The following GHR variants were observed in gnomAD, a reference collection of about 807,000 sequenced individuals.
GHR encodes the protein GH receptor.
GHR carries 35 observed loss-of-function variants against 67.1 expected under a neutral mutation model. The ratio of observed to expected loss-of-function variants is 0.52; its 90% CI spans 0.40 to 0.69. The LOEUF is 0.69. Among genes scored for constraint, GHR ranks in the 30% least tolerant of loss-of-function variants. The probability of loss-of-function intolerance (pLI) is 0.00; values close to 1 mark genes in which losing one functional copy is unlikely to be tolerated. For synonymous variants in GHR, 272 were observed against 269.1 expected, an observed-to-expected ratio of 1.01 and a Z score of -0.10; for missense variants, 792 against 764.6, an observed-to-expected ratio of 1.04 and a Z score of -0.42.
intron 1 of GHR, chr5:42,515,054 C>A (rs1425922266): frequency 6.6e-6 from 1 of 152,134 alleles, no homozygotes; most frequent in African/African-American, 2.4e-5. Flanking sequence ...GCAGGCTTAA[C>A]CAAAATGCAG....
chr5:42,626,450 T>C (rs1457946311), intron 2 of GHR, among the ~76,000 whole-genome samples: 3 of 152,156 alleles, frequency 2.0e-5, no homozygotes. Flanking sequence ...GGTATGTGGG[T>C]TGGAGTTGCA....
intron 1 of GHR, among the ~76,000 whole-genome samples, chr5:42,510,223 A>G (rs1397839725): frequency 6.6e-6 from 1 of 152,182 alleles, no homozygotes; most frequent in African/African-American, 2.4e-5. Context: ...TTCCACTGCT[A>G]CTGTTCTGGT....
chr5:42,429,834 T>C (rs868837297), intron 1 of GHR, among the ~76,000 whole-genome samples: 35 of 152,340 alleles, frequency 2.3e-4, no homozygotes, highest in Admixed American at 1.4e-3. Flanking sequence ...ATTTTTTTCA[T>C]AGGCCTCATT....
chr5:42,716,951 T>G (rs148649760), intron 8 of GHR, among the ~76,000 whole-genome samples: 161 of 152,288 alleles, frequency 1.1e-3, no homozygotes, highest in Middle Eastern at 3.4e-3. Flanking sequence ...TTTTAAAAAA[T>G]TAAATGAATT....
intron 2 of GHR, among the ~76,000 whole-genome samples, chr5:42,595,740 G>A (rs902826039): frequency 1.1e-4 from 17 of 152,336 alleles, no homozygotes; most frequent in African/African-American, 3.8e-4. Context: ...TGGGTCTTAA[G>A]TGGAGATTAG....
intron 2 of GHR, among the ~76,000 whole-genome samples, chr5:42,586,588 A>C (rs1751488024): frequency 6.6e-6 from 1 of 152,222 alleles, no homozygotes; most frequent in Admixed American, 6.5e-5. Context: ...GTCTTATTTA[A>C]TTAATTGTTG....
chr5:42,554,916 G>A (rs1242710279), intron 1 of GHR, among the ~76,000 whole-genome samples: 1 of 152,114 alleles, frequency 6.6e-6, no homozygotes, highest in Non-Finnish European at 1.5e-5. Flanking sequence ...GTTGGCATTT[G>A]TGGCTCACAT....
At chr5:42,538,650 G>A (rs997676223) in intron 1 of GHR, among the ~76,000 whole-genome samples, 6 of 152,152 alleles carry the variant, frequency 3.9e-5, no homozygotes, top group Non-Finnish European at 8.8e-5. Context: ...GTAACAATGT[G>A]CCTAGGTGAT....
At chr5:42,699,407 G>A (rs1173854205) in intron 5 of GHR, among the ~76,000 whole-genome samples, 1 of 152,150 alleles carries the variant, frequency 6.6e-6, no homozygotes. Flanking sequence ...AAGAAAAAAG[G>A]TTTCTCTACC....
At chr5:42,540,362 A>G (rs1039658463) in intron 1 of GHR, among the ~76,000 whole-genome samples, 3 of 152,192 alleles carry the variant, frequency 2.0e-5, no homozygotes, top group African/African-American at 4.8e-5. Context: ...CTTGTTTCAA[A>G]TATAGTAATT....
At chr5:42,711,083 AT>A (rs1579659277) in intron 6 of GHR, 123 bp from the exon 7 acceptor site, 1 of 760,658 alleles carries the variant, frequency 1.3e-6, no homozygotes, top group Middle Eastern at 2.5e-4. Context: ...CTCACAATGC[AT>A]TTTAAAATAT....
intron 2 of GHR, among the ~76,000 whole-genome samples, chr5:42,576,122 ATAAAATAAAATAAAATAAAATAGTAAAG>A (rs1750710977): frequency 1.0e-5 from 1 of 95,474 alleles, no homozygotes; most frequent in Non-Finnish European, 2.1e-5. Context: ...ATAAAATAAA[ATAAAATAAAATAAAATAAAATAGTAAAG>A]TAAAATAAAA....
intron 2 of GHR, among the ~76,000 whole-genome samples, chr5:42,627,923 G>A (rs1753785762): frequency 6.6e-6 from 1 of 152,204 alleles, no homozygotes; most frequent in African/African-American, 2.4e-5. Flanking sequence ...GGGGCTCGAA[G>A]GATGAGTGCA....
At chr5:42,580,142 G>C (rs769602874) in intron 2 of GHR, among the ~76,000 whole-genome samples, 25 of 151,964 alleles carry the variant, frequency 1.6e-4, no homozygotes, top group Non-Finnish European at 3.2e-4. Flanking sequence ...TCTTATATCT[G>C]GGTTGATCTG....
intron 2 of GHR, among the ~76,000 whole-genome samples, chr5:42,579,905 T>G: frequency 6.6e-6 from 1 of 151,484 alleles, no homozygotes; most frequent in East Asian, 1.9e-4. Context: ...CATGCCATGC[T>G]GTTTTTTTTT....
At chr5:42,472,263 A>G (rs1268367535) in intron 1 of GHR, among the ~76,000 whole-genome samples, 2 of 152,170 alleles carry the variant, frequency 1.3e-5, no homozygotes, top group Non-Finnish European at 2.9e-5. Flanking sequence ...AATCTGGCTT[A>G]TGTTCTCATG....
chr5:42,505,060 G>A (rs968571827), intron 1 of GHR, among the ~76,000 whole-genome samples: 5 of 151,354 alleles, frequency 3.3e-5, no homozygotes, highest in Admixed American at 6.6e-5. Context: ...TTTTAACTAC[G>A]TGCCTCTTAG....
At chr5:42,548,302 A>G in intron 1 of GHR, 1 of 985,304 alleles carries the variant, frequency 1.0e-6, no homozygotes, top group African/African-American at 1.7e-5. Context: ...AAGCAGAAAG[A>G]CCAAGAATTT....
At chr5:42,562,887 G>T (rs1275502182) in intron 1 of GHR, among the ~76,000 whole-genome samples, 1 of 152,046 alleles carries the variant, frequency 6.6e-6, no homozygotes. Context: ...CTGACCTCAC[G>T]ATCTGCCTGC....
Sources: allele counts gnomAD v4.1 joint callset (sites outside exome capture counted in the v4.1 genomes callset), GRCh38; gene constraint gnomAD v4.1.1; transcripts MANE v1.5; gene names NCBI Gene and HGNC (gene_info 2026-07-23, HGNC 2026-07-21).